Variants in MYH8 observed in about 807,000 individuals in gnomAD.
MYH8 encodes myosin heavy chain 8.
In MYH8, 168 loss-of-function variants were observed where a neutral mutation model predicts 233.2. That is an observed-to-expected ratio of 0.72 (90% confidence interval 0.64 to 0.82). MYH8 has a LOEUF of 0.82. Among genes scored for constraint, MYH8 ranks in the 40% least tolerant of loss-of-function variants. MYH8 has a pLI of 0.00. For missense variants in MYH8, 1,995 were observed against 2,327.8 expected, an observed-to-expected ratio of 0.86 and a Z score of 2.94; for synonymous variants, 785 against 850.6, an observed-to-expected ratio of 0.92 and a Z score of 1.34.
intron 21 of MYH8, among the ~76,000 whole-genome samples, chr17:10,405,358 G>A (rs756305622): frequency 9.2e-5 from 14 of 152,296 alleles, no homozygotes; most frequent in Middle Eastern, 3.4e-3. Flanking sequence ...GTAGCAATGT[G>A]TATGTTTCTT....
rs373820766 is a variant in MYH8 at position 10,415,732 on chromosome 17, C to G, written c.512-24G>C. On this transcript the variant is annotated intron_variant, in intron 5 of 39. Coordinates refer to ENST00000403437, the MANE Select transcript of MYH8 (RefSeq NM_002472.3). This position sits in a 1 kb window ranked among gnomAD's most constrained non-coding sequence, Gnocchi z 4.1. ...ATCTGTGAAAGAATTCAAAATCATCCGTTAAAAAATGCATATTTAATATGA... is the reference window on the plus strand; with the variant it reads ...ATCTGTGAAAGAATTCAAAATCATCGGTTAAAAAATGCATATTTAATATGA... 2.2e-5 allele frequency: 36 copies of G among 1,608,158 alleles called. No individual in the cohort carries two copies. In the African/African-American group the frequency reaches 4.4e-4, roughly 20 times the overall value.
rs2072313977 is a variant in MYH8 at position 10,419,066 on chromosome 17, T to A, written c.211-36A>T. The A allele has an allele frequency of 6.2e-7, 1 of 1,613,798 alleles. No individual in the cohort carries two copies. The highest frequency in any genetic ancestry group is 1.3e-5 in the African/African-American group (1 of 74,998). On this transcript the variant is annotated intron_variant, in intron 3 of 39. Coordinates refer to ENST00000403437, the MANE Select transcript of MYH8 (RefSeq NM_002472.3). This position sits in a 1 kb window ranked among gnomAD's most constrained non-coding sequence, Gnocchi z 4.0. ...AGCAAGAAACCAGTTCGTTTTTGTTTGTTTGTTTGAGATAGAGTTTTGCTT... is the reference window on the plus strand; with the variant it reads ...AGCAAGAAACCAGTTCGTTTTTGTTAGTTTGTTTGAGATAGAGTTTTGCTT...
Position 10,404,378 on chromosome 17 carries a change from CA to C in MYH8, c.2639del (p.Met880ArgfsTer5). 1.2e-6 allele frequency: 2 copies of C among 1,613,728 alleles called. No homozygotes were observed. Among genetic ancestry groups the C allele is most frequent in the South Asian group, 2.2e-5 (2 of 91,050 alleles). ...EAKRKELEEK[M>X]VTLLKEKNDL... ...CATTTTTCTCTTTTAAGAGAGTGACCATTTTTTCCTCTAGCTCCTTCCGTTT... is the reference window on the plus strand; with the variant it reads ...CATTTTTCTCTTTTAAGAGAGTGACCTTTTTTCCTCTAGCTCCTTCCGTTT... On this transcript the variant is annotated frameshift_variant, in exon 22 of 40. Coordinates refer to ENST00000403437, the MANE Select transcript of MYH8 (RefSeq NM_002472.3). LOFTEE classifies it high-confidence loss of function.
In MYH8 at chr17:10,415,318, C is replaced by T. The variant is rs754371915; in HGVS notation, c.715G>A (p.Val239Met). 11 of 1,613,928 alleles carry T rather than the reference C, an allele frequency of 6.8e-6. No individual in the cohort carries two copies. Among genetic ancestry groups the T allele is most frequent in the Middle Eastern group, 1.6e-4 (1 of 6,082 alleles). Residue 239 changes from valine to methionine, a missense_variant, in exon 8 of 40, where the codon GTG becomes ATG. Transcript: ENST00000403437. This position sits in a 1 kb window ranked among gnomAD's most constrained non-coding sequence, Gnocchi z 4.1. ...LLEAFGNAKT[V>M]RNDNSSRFGK... is the part of the protein sequence containing the mutation. ...AAGCGAGAGGAGTTGTCATTCCTCA[C>T]AGTTTTGGCATTGCCAAAGGCCTCC...
Position 10,399,415 on chromosome 17 carries a change from T to C in MYH8, c.3862+128A>G. Reference sequence around the variant, plus strand: ...GCTCAGTCTTGACTTCTTTCCTTTTTGACCTTCTTAGCAAACTCTGATCAT... The same window carrying C: ...GCTCAGTCTTGACTTCTTTCCTTTTCGACCTTCTTAGCAAACTCTGATCAT... On this transcript the variant is annotated intron_variant, in intron 28 of 39. Transcript: ENST00000403437. 4.0e-6 allele frequency: 6 copies of C among 1,517,568 alleles called. No homozygotes were observed. In the South Asian group the frequency reaches 6.8e-5, roughly 17 times the overall value. 94.0% of individuals were successfully genotyped at this position (1,517,568 alleles called of 1,614,324 possible).
Position 10,415,331 on chromosome 17 carries a change from G to T in MYH8, c.702C>A (p.Gly234=). The T allele has an allele frequency of 6.2e-7, 1 of 1,614,160 alleles. No homozygotes were observed. The highest frequency in any genetic ancestry group is 8.5e-7 in the Non-Finnish European group (1 of 1,180,022). The change falls in exon 8 of 40, where the codon GGC becomes GGA. Residue 234 remains glycine, a synonymous_variant. Coordinates refer to ENST00000403437, the MANE Select transcript of MYH8 (RefSeq NM_002472.3). This position sits in a 1 kb window ranked among gnomAD's most constrained non-coding sequence, Gnocchi z 4.1. ...TGTCATTCCTCACAGTTTTGGCATT[G>T]CCAAAGGCCTCCAGTAGGGGATTGG... The part of the protein sequence containing the change: ...ISANPLLEAF[G]NAKTVRNDNS...
In MYH8 at chr17:10,394,359, C is replaced by A; in HGVS notation, c.5056G>T (p.Ala1686Ser). The change falls in exon 35 of 40, where the codon GCT becomes TCT. Residue 1686 changes from alanine to serine, a missense_variant. Physicochemically the swap from Ala to Ser is moderately conservative, Grantham distance 99 (BLOSUM62 1). Around this residue, in one of 3 missense-constraint regions of MYH8, gnomAD observed 1,498 missense variants for 1,680.9 expected, o/e 0.89. Coordinates refer to ENST00000403437, the MANE Select transcript of MYH8 (RefSeq NM_002472.3). ...GTGGCCCACAGCTCCTCGATCTCAG[C>A]CTGCAGCAGGTTGGCTCTGCGCTCC... ...IVERRANLLQ[A>S]EIEELWATLE... 1 of 1,614,092 alleles carries A rather than the reference C, an allele frequency of 6.2e-7. No homozygotes were observed. Among genetic ancestry groups the A allele is most frequent in the Non-Finnish European group, 8.5e-7 (1 of 1,180,010 alleles).
intron 25 of MYH8, 32 bp downstream of exon 25, chr17:10,401,014 C>A (rs1252874821): frequency 6.2e-7 from 1 of 1,613,920 alleles, no homozygotes; most frequent in Non-Finnish European, 8.5e-7. Flanking sequence ...AAGATGATAT[C>A]ACATAGAAGT....
chr17:10,406,535 G>A, intron 19 of MYH8, 138 bp from the exon 20 acceptor site: 1 of 1,406,154 alleles, frequency 7.1e-7, no homozygotes, highest in Non-Finnish European at 1.0e-6. Context: ...AGGACAGATA[G>A]TAAAACAATA....
intron 12 of MYH8, 34 bp from the exon 13 acceptor site, chr17:10,412,762 T>G: frequency 1.3e-6 from 2 of 1,511,990 alleles, no homozygotes; most frequent in Middle Eastern, 1.7e-4. Flanking sequence ...TGTTGTTTCA[T>G]GAAGGATATC....
At chr17:10,403,793 GCA>G (rs779978683) in intron 22 of MYH8, among the ~76,000 whole-genome samples, 27 of 152,202 alleles carry the variant, frequency 1.8e-4, no homozygotes, top group Non-Finnish European at 3.7e-4. Flanking sequence ...CCTCCTTCCT[GCA>G]CCAATAAACA....
Position 10,406,254 on chromosome 17 carries a change from GTAAA to G in MYH8, c.2295+16_2295+19del, listed in dbSNP as rs776387736. 4.3e-6 allele frequency: 7 copies of G among 1,613,914 alleles called. No homozygotes were observed. Among genetic ancestry groups the G allele is most frequent in the Non-Finnish European group, 5.9e-6 (7 of 1,179,948 alleles). On this transcript the variant is annotated intron_variant, in intron 20 of 39. Transcript: ENST00000403437. ...ATGGCAGAAGGTACTTGGATCAGGT[GTAAA>G]TAAATAACGATATACCTTGGTATGT...
At position 10,400,848 on chromosome 17, in the gene MYH8, A is replaced by G. The variant is rs1212703479; in HGVS notation, c.3345+21T>C. On this transcript the variant is annotated intron_variant, in intron 26 of 39. Coordinates refer to ENST00000403437, the MANE Select transcript of MYH8 (RefSeq NM_002472.3). The surrounding 1 kb of genome is among the most constrained non-coding windows in gnomAD (Gnocchi z 4.0). ...CAGTGTTTTTTTGGTGTGCAGAAAA[A>G]ATAGAGGTGAGATGACTCACCTGCA... 1.2e-6 allele frequency: 2 copies of G among 1,613,862 alleles called. No homozygotes were observed. The highest frequency in any genetic ancestry group is 1.7e-5 in the Admixed American group (1 of 60,036).
rs757256440 is a variant in MYH8, at chr17:10,398,655, G to A, written c.3982-15C>T. On this transcript the variant is annotated splice_polypyrimidine_tract_variant and intron_variant, in intron 29 of 39. Coordinates refer to ENST00000403437, the MANE Select transcript of MYH8 (RefSeq NM_002472.3). ...GCGTTCTTGGCCTGCAGAAGTAGCA[G>A]TTCAGTGACATAAATTCATGTATTC... 1 of 1,614,176 alleles carries A rather than the reference G, an allele frequency of 6.2e-7. No individual in the cohort carries two copies. Among genetic ancestry groups the A allele is most frequent in the Admixed American group, 1.7e-5 (1 of 60,020 alleles).
Position 10,404,214 on chromosome 17 carries a change from T to A in MYH8, c.2688+116A>T. The A allele has an allele frequency of 2.3e-6, 3 of 1,331,200 alleles. No individual in the cohort carries two copies. In the South Asian group the frequency reaches 3.9e-5, roughly 17 times the overall value. The allele number at this position is 1,331,200 out of a possible 1,614,324, so 82.5% of individuals were successfully genotyped here. A position where few individuals can be genotyped will look rare whatever the true frequency, so the allele number is the denominator to read the frequency against. ...AGAATACTAAAAGATAAATGAGGTA[T>A]TAAAAACAGCAACTTGAGATTTTTT... is the stretch of plus-strand genomic sequence containing the variant. On this transcript the variant is annotated intron_variant, in intron 22 of 39. Coordinates refer to ENST00000403437, the MANE Select transcript of MYH8 (RefSeq NM_002472.3).
chr17:10,401,777 A>G lies in MYH8; in HGVS notation c.2697T>C (p.Asp899=). ...DLQLQVQSEA[D]SLADAEERCE... is the part of the protein sequence containing the mutation. ...ACCTTTCCTCTGCATCAGCCAAGCT[A>G]TCTGCTTCCTATGGAGAGATTCATT... The change falls in exon 23 of 40, where the codon GAT becomes GAC. Residue 899 remains aspartate (D), a synonymous_variant. Transcript: ENST00000403437. 7 of 1,614,126 alleles carry G rather than the reference A, an allele frequency of 4.3e-6. No homozygotes were observed. Among genetic ancestry groups the G allele is most frequent in the Admixed American group, 1.7e-5 (1 of 60,018 alleles).
At chr17:10,411,870 G>A (rs1321648420) in intron 14 of MYH8, among the ~76,000 whole-genome samples, 2 of 152,182 alleles carry the variant, frequency 1.3e-5, no homozygotes, top group Non-Finnish European at 2.9e-5. Context: ...TATAGATGGT[G>A]AACTGATGCC....
In MYH8 at chr17:10,418,913, C is replaced by T. The variant is rs1164643903; in HGVS notation, c.328G>A (p.Glu110Lys). The change falls in exon 4 of 40, where the codon GAG (glutamate) becomes AAG (lysine). Residue 110 changes from glutamate (E) to lysine (K), a missense_variant. Transcript: ENST00000403437. ...TAGATCATCCAGGCTGCATAGCGCT[C>T]TTTGAGGTTGTACAGCACTCCAGGC... ...HEPGVLYNLK[E>K]RYAAWMIYTY... The T allele has an allele frequency of 6.2e-7, 1 of 1,613,984 alleles. No homozygotes were observed. Among genetic ancestry groups the T allele is most frequent in the African/African-American group, 1.3e-5 (1 of 74,908 alleles).
intron 30 of MYH8, among the ~76,000 whole-genome samples, chr17:10,397,451 A>G (rs2142171581): frequency 6.6e-6 from 1 of 152,324 alleles, no homozygotes; most frequent in East Asian, 1.9e-4. Flanking sequence ...TGGCAGCCAG[A>G]ACTGCTTTCT....
Sources: allele counts gnomAD v4.1 joint callset (sites outside exome capture counted in the v4.1 genomes callset), GRCh38; gene constraint gnomAD v4.1.1; regional missense constraint gnomAD v4.1.1; non-coding constraint Gnocchi (gnomAD v3.1); transcripts MANE v1.5; gene names NCBI Gene and HGNC (gene_info 2026-07-23, HGNC 2026-07-21).